Variants in TENM2 observed in about 807,000 individuals in gnomAD.
TENM2 encodes the protein teneurin transmembrane protein 2, also known as teneurin-2.
TENM2 carries 52 observed loss-of-function variants against 245.2 expected under a neutral mutation model. The ratio of observed to expected loss-of-function variants is 0.21; its 90% confidence interval spans 0.17 to 0.27. TENM2 has a LOEUF of 0.27. Ranked by LOEUF, TENM2 falls within the 10% of genes least tolerant of loss-of-function variation. The probability of loss-of-function intolerance (pLI) is 1.00; values close to 1 mark genes in which losing one functional copy is unlikely to be tolerated. For missense variants in TENM2, 3,046 were observed against 3,666.8 expected (o/e 0.83, Z 4.37); for synonymous variants, 1,363 against 1,438.9 (o/e 0.95, Z 1.19).
At chr5:166,985,179 C>T in the TENM2 span, among the ~76,000 whole-genome samples, 5 of 152,222 alleles carry the variant, frequency 3.3e-5, no homozygotes, top group East Asian at 1.9e-4. Context: ...CAACTATCCA[C>T]GCATCCTCTT....
the TENM2 span, among the ~76,000 whole-genome samples, chr5:167,154,922 G>T: frequency 6.6e-6 from 1 of 152,174 alleles, no homozygotes; most frequent in Non-Finnish European, 1.5e-5. Context: ...TTCCAATGCT[G>T]TTCCCCTTAT....
the TENM2 span, among the ~76,000 whole-genome samples, chr5:167,143,050 C>T: frequency 6.6e-6 from 1 of 152,112 alleles, no homozygotes; most frequent in African/African-American, 2.4e-5. Context: ...GACACTAGTC[C>T]ACATAAGTAT....
At chr5:168,033,482 C>G (rs1787310902) in intron 5 of TENM2, among the ~76,000 whole-genome samples, 1 of 151,924 alleles carries the variant, frequency 6.6e-6, no homozygotes, top group African/African-American at 2.4e-5. Flanking sequence ...TGAGAAATGT[C>G]TTAAAAGCAG....
the TENM2 span, among the ~76,000 whole-genome samples, chr5:167,239,304 A>G: frequency 2.6e-5 from 4 of 152,244 alleles, no homozygotes; most frequent in Non-Finnish European, 5.9e-5. Context: ...TCAGAGAGCC[A>G]TAAATACAGT....
chr5:167,275,543 T>C, the TENM2 span, among the ~76,000 whole-genome samples: 1 of 152,072 alleles, frequency 6.6e-6, no homozygotes, highest in African/African-American at 2.4e-5. Context: ...TTCATCAGTG[T>C]TGGGTAGTTT....
At chr5:167,308,838 C>T (rs998357282) in intron 1 of TENM2, among the ~76,000 whole-genome samples, 5 of 152,200 alleles carry the variant, frequency 3.3e-5, no homozygotes, top group Admixed American at 6.5e-5. Context: ...TAGTTTCTAA[C>T]GTGAAGACAC....
chr5:167,801,024 A>G (rs1765671526), intron 2 of TENM2, among the ~76,000 whole-genome samples: 2 of 148,294 alleles, frequency 1.3e-5, no homozygotes, highest in South Asian at 2.1e-4. Context: ...CCAAATTATC[A>G]GTTTTCGAAT....
At chr5:167,315,027 A>G (rs1756274917) in intron 1 of TENM2, among the ~76,000 whole-genome samples, 1 of 152,050 alleles carries the variant, frequency 6.6e-6, no homozygotes, top group South Asian at 2.1e-4. Context: ...ATTTTACTTA[A>G]CCATTCCTTT....
At chr5:167,596,157 G>A (rs144458494) in intron 2 of TENM2, among the ~76,000 whole-genome samples, 338 of 152,282 alleles carry the variant, frequency 2.2e-3, no homozygotes, top group Non-Finnish European at 4.0e-3. Flanking sequence ...GACAGGAATA[G>A]CAACACTGAT....
chr5:167,992,608 T>G (rs1783751973), intron 4 of TENM2, among the ~76,000 whole-genome samples: 1 of 152,162 alleles, frequency 6.6e-6, no homozygotes, highest in African/African-American at 2.4e-5. Flanking sequence ...TTTTAAAAAA[T>G]AGTAGGTATC....
chr5:168,255,722 A>G (rs1767591438), intron 27 of TENM2, among the ~76,000 whole-genome samples: 1 of 152,078 alleles, frequency 6.6e-6, no homozygotes, highest in Non-Finnish European at 1.5e-5. Flanking sequence ...TCTTTGTTTT[A>G]ATTTTACAGT....
intron 2 of TENM2, among the ~76,000 whole-genome samples, chr5:167,769,963 A>T (rs1039545524): frequency 6.6e-6 from 1 of 152,158 alleles, no homozygotes; most frequent in Non-Finnish European, 1.5e-5. Flanking sequence ...TCACAATTGT[A>T]TGGCTAGAAT....
intron 11 of TENM2, among the ~76,000 whole-genome samples, chr5:168,125,650 G>T (rs1202342316): frequency 6.6e-6 from 1 of 152,024 alleles, no homozygotes; most frequent in Admixed American, 6.6e-5. Flanking sequence ...CCCTTCCTCT[G>T]GGTAGTGAGA....
chr5:167,136,516 T>G, the TENM2 span, among the ~76,000 whole-genome samples: 9 of 152,338 alleles, frequency 5.9e-5, no homozygotes, highest in Admixed American at 5.2e-4. Context: ...TGCTCATCCT[T>G]TGTTGCTTAT....
intron 2 of TENM2, among the ~76,000 whole-genome samples, chr5:167,584,821 A>G (rs963104070): frequency 6.6e-6 from 1 of 151,860 alleles, no homozygotes; most frequent in East Asian, 1.9e-4. Context: ...CAGCCTCCCA[A>G]GTAGCTGGGA....
chr5:168,260,625 C>G lies in TENM2; in HGVS notation c.7563+212C>G, dbSNP rs373336926. Among the ~76,000 whole-genome samples, 30 of 152,314 alleles carry G rather than the reference C, an allele frequency of 2.0e-4. No homozygotes were observed. The South Asian group carries it at 3.9e-3, about 20-fold the overall frequency. ...ATTTCTTCCCAACTTCGATTATTGC[C>G]TTAATTGTGGTATCATTATCTGTTC... On this transcript the variant is annotated intron_variant, in intron 28 of 28. Coordinates refer to ENST00000518659, the Ensembl canonical transcript of TENM2.
intron 2 of TENM2, among the ~76,000 whole-genome samples, chr5:167,631,619 G>A (rs544761505): frequency 3.3e-5 from 5 of 152,180 alleles, no homozygotes; most frequent in African/African-American, 9.6e-5. Context: ...ATGAGCTGTC[G>A]CTGAGCATGT....
At chr5:167,423,462 A>G (rs574763437) in intron 2 of TENM2, among the ~76,000 whole-genome samples, 258 of 152,290 alleles carry the variant, frequency 1.7e-3, no homozygotes, top group African/African-American at 5.8e-3. Flanking sequence ...TGTTTATCAC[A>G]AGGTTTTAGT....
At chr5:167,346,529 A>G (rs4869030) in intron 1 of TENM2, among the ~76,000 whole-genome samples, 95,401 of 152,114 alleles carry the variant, frequency 0.63, 30,153 homozygotes, top group Admixed American at 0.67. Flanking sequence ...GTAAATAGGC[A>G]AAATAGAGTT....
Sources: allele counts gnomAD v4.1 joint callset (sites outside exome capture counted in the v4.1 genomes callset), GRCh38; gene constraint gnomAD v4.1.1; transcripts MANE v1.5; gene names NCBI Gene and HGNC (gene_info 2026-07-23, HGNC 2026-07-21).